The following SMG5 variants were observed in gnomAD, a reference collection of about 807,000 sequenced individuals.
SMG5 encodes nonsense-mediated mRNA decay factor SMG5.
A neutral mutation model predicts 122.9 loss-of-function variants in SMG5; 53 were observed. That is an observed-to-expected ratio of 0.43 (90% confidence interval 0.35 to 0.54). The LOEUF is 0.54. Ranked by LOEUF, SMG5 falls within the 20% of genes least tolerant of loss-of-function variation. The pLI is 0.01. For missense variants in SMG5, 1,153 were observed against 1,285.6 expected (o/e 0.90, Z 1.58); for synonymous variants, 477 against 490.2 (o/e 0.97, Z 0.35).
At chr1:156,257,087 C>T (rs1373555313) in intron 16 of SMG5, among the ~76,000 whole-genome samples, 4 of 152,130 alleles carry the variant, frequency 2.6e-5, no homozygotes, top group Admixed American at 6.5e-5. Context: ...CCACCATGCC[C>T]GGCTATTTTT....
At chr1:156,263,374 C>G in intron 13 of SMG5, 21 bp downstream of exon 13, 2 of 1,598,788 alleles carry the variant, frequency 1.3e-6, no homozygotes, top group Non-Finnish European at 1.7e-6. Context: ...CTGACAGGGG[C>G]AATGGAGTGG....
chr1:156,275,118 G>GA (rs1662622071), intron 4 of SMG5, among the ~76,000 whole-genome samples: 1 of 110,472 alleles, frequency 9.1e-6, no homozygotes, highest in East Asian at 3.0e-4. Context: ...AATGAAATGT[G>GA]AATGACGCCA....
chr1:156,286,992 G>A (rs796277299), upstream of SMG5, among the ~76,000 whole-genome samples: 4 of 152,178 alleles, frequency 2.6e-5, 1 homozygote, highest in African/African-American at 9.6e-5. Context: ...GCATGGTGGT[G>A]CACACCTGTA....
At chr1:156,285,853 T>G, upstream of SMG5, 1 of 1,613,620 alleles carries the variant, frequency 6.2e-7, no homozygotes, top group Middle Eastern at 1.6e-4. Flanking sequence ...CCGCACTCAT[T>G]CTCTTCCCTT....
At position 156,259,145 on chromosome 1, in the gene SMG5, A is replaced by T. The variant is rs1451461478; in HGVS notation, c.2302T>A (p.Cys768Ser). 2 of 1,591,654 alleles carry T rather than the reference A, an allele frequency of 1.3e-6. No homozygotes were observed. The highest frequency in any genetic ancestry group is 1.7e-6 in the Non-Finnish European group (2 of 1,169,150). ...ATGAAATGACCAAAGCTGCGGATGC[A>T]GCAGATGCGCACCACTGACTGTGGG... ...TLEESVVRIC[C>S]IRSFGHFIAR... The change falls in exon 16 of 22, where the codon TGC becomes AGC. Residue 768 changes from cysteine (C) to serine (S), a missense_variant. Transcript: ENST00000361813.
chr1:156,281,638 T>C (rs1461429398), intron 1 of SMG5, among the ~76,000 whole-genome samples: 1 of 152,234 alleles, frequency 6.6e-6, no homozygotes, highest in Non-Finnish European at 1.5e-5. Context: ...GCCAAGGCTC[T>C]GAGGGTCGTC....
upstream of SMG5, chr1:156,286,175 C>G: frequency 6.9e-7 from 1 of 1,441,542 alleles, no homozygotes; most frequent in Non-Finnish European, 9.6e-7. Flanking sequence ...ATGCACTGCC[C>G]ACAGTGAATC....
At chr1:156,252,081 C>A (rs1479230204) in intron 19 of SMG5, among the ~76,000 whole-genome samples, 2 of 152,160 alleles carry the variant, frequency 1.3e-5, no homozygotes, top group Non-Finnish European at 2.9e-5. Context: ...AGGAGAAATT[C>A]CTATAAAGGA....
At chr1:156,282,500 A>G (rs3806409) in intron 1 of SMG5, 107 bp downstream of exon 1, 343,730 of 1,241,192 alleles carry the variant, frequency 0.28, 49,089 homozygotes, top group Non-Finnish European at 0.29. Flanking sequence ...CTCCTTCCTC[A>G]CCCGCACCTC....
At position 156,250,473 on chromosome 1, in the gene SMG5, T is replaced by C; in HGVS notation, c.*114A>G. On this transcript the variant is annotated 3_prime_UTR_variant, in exon 22 of 22. Transcript: ENST00000361813. ...CCTCTGAGCAGCTAGGCCTCCCTCC[T>C]GTGTGCGTGCATGAGTCTGCGTGTG... 1 of 915,936 alleles carries C rather than the reference T, an allele frequency of 1.1e-6. No individual in the cohort carries two copies. 56.7% of individuals were successfully genotyped at this position (915,936 alleles called of 1,614,324 possible).
the SMG5 span, among the ~76,000 whole-genome samples, chr1:156,288,085 A>G: frequency 0.24 from 36,567 of 151,274 alleles, 4,908 homozygotes; most frequent in Non-Finnish European, 0.29. Context: ...TGCGGTGGCG[A>G]GCGCCTACAG....
chr1:156,256,943 T>C (rs79227997), intron 16 of SMG5, among the ~76,000 whole-genome samples: 5,623 of 142,992 alleles, frequency 0.039, 135 homozygotes, highest in Non-Finnish European at 0.059. Context: ...TTTTTTTTTT[T>C]CCAGACAGAG....
chr1:156,282,818 C>T lies in SMG5; in HGVS notation c.-138G>A, dbSNP rs113914575. 2.0e-3 allele frequency: 1,716 copies of T among 867,852 alleles called. 30 individuals carry two copies. The African/African-American group carries it at 0.026, about 13-fold the overall frequency. 53.8% of individuals were successfully genotyped at this position (867,852 alleles called of 1,614,324 possible). ...GGCCGCCATCGCTGTGAGGCGGCTG[C>T]CCGCGACAGCTCCTCCTCCGCCTGC... On this transcript the variant is annotated 5_prime_UTR_variant, in exon 1 of 22. Transcript: ENST00000361813.
chr1:156,251,576 G>T, intron 19 of SMG5, 99 bp from the exon 20 acceptor site: 1 of 1,200,602 alleles, frequency 8.3e-7, no homozygotes, highest in Non-Finnish European at 1.2e-6. Flanking sequence ...GGTTTTGCAG[G>T]CGGGGCTGGG....
At chr1:156,257,169 C>T (rs1348134781) in intron 16 of SMG5, among the ~76,000 whole-genome samples, 4 of 152,058 alleles carry the variant, frequency 2.6e-5, no homozygotes, top group South Asian at 2.1e-4. Context: ...TCAAGTGATC[C>T]GCCCGCCTTG....
At chr1:156,286,244 TC>T (rs770485292), upstream of SMG5, 6 of 1,613,308 alleles carry the variant, frequency 3.7e-6, no homozygotes, top group South Asian at 5.5e-5. Context: ...CTACCCTGTT[TC>T]CCAACTCCAC....
At chr1:156,270,260 G>A (rs1010642679) in intron 7 of SMG5, among the ~76,000 whole-genome samples, 11 of 152,184 alleles carry the variant, frequency 7.2e-5, no homozygotes, top group Non-Finnish European at 2.9e-5. Flanking sequence ...GCGGGAGGAA[G>A]GGCTATGACC....
At position 156,267,695 on chromosome 1, in the gene SMG5, G is replaced by T; in HGVS notation, c.909-17C>A. Reference sequence around the variant, plus strand: ...TCCACGGAGCTACAGAGGGGCAGGAGTAACAGGGGAGGTCAGTGGTGGGGG... The same window carrying T: ...TCCACGGAGCTACAGAGGGGCAGGATTAACAGGGGAGGTCAGTGGTGGGGG... On this transcript the variant is annotated splice_polypyrimidine_tract_variant and intron_variant, in intron 9 of 21. Transcript: ENST00000361813. 1 of 1,596,002 alleles carries T rather than the reference G, an allele frequency of 6.3e-7. No homozygotes were observed. The highest frequency in any genetic ancestry group is 8.5e-7 in the Non-Finnish European group (1 of 1,170,866).
intron 5 of SMG5, among the ~76,000 whole-genome samples, chr1:156,274,335 C>T (rs1415341171): frequency 1.3e-5 from 2 of 152,134 alleles, no homozygotes; most frequent in Admixed American, 6.5e-5. Flanking sequence ...TCTTCCCAAC[C>T]CACTACTGAA....
Sources: allele counts gnomAD v4.1 joint callset (sites outside exome capture counted in the v4.1 genomes callset), GRCh38; gene constraint gnomAD v4.1.1; transcripts MANE v1.5; gene names NCBI Gene and HGNC (gene_info 2026-07-23, HGNC 2026-07-21).